Variants in FOXP1 observed in about 807,000 individuals in gnomAD.
The protein encoded by FOXP1 is forkhead box P1.
In FOXP1, 15 loss-of-function variants were observed where a neutral mutation model predicts 98.2. The observed-to-expected ratio is 0.15, with a 90% CI of 0.10 to 0.24. The LOEUF is 0.24. Among genes scored for constraint, FOXP1 ranks in the 10% least tolerant of loss-of-function variants. FOXP1 has a pLI of 1.00. For synonymous variants in FOXP1, 371 were observed against 314.5 expected, an observed-to-expected ratio of 1.18 and a Z score of -1.90; for missense variants, 633 against 848.5, an observed-to-expected ratio of 0.75 and a Z score of 3.15.
At chr3:71,391,749 T>C (rs571109488) in intron 3 of FOXP1, among the ~76,000 whole-genome samples, 1 of 152,334 alleles carries the variant, frequency 6.6e-6, no homozygotes, top group East Asian at 1.9e-4. Context: ...TTTTGGAGAA[T>C]TCTCTAGAGC....
At chr3:71,236,737 G>A (rs1350784984) in intron 5 of FOXP1, among the ~76,000 whole-genome samples, 1 of 152,006 alleles carries the variant, frequency 6.6e-6, no homozygotes, top group Non-Finnish European at 1.5e-5. Flanking sequence ...AGCTGGGTGT[G>A]ATGGTGGTTT....
chr3:71,337,845 G>C (rs562640255), intron 4 of FOXP1, among the ~76,000 whole-genome samples: 47 of 152,338 alleles, frequency 3.1e-4, no homozygotes, highest in Admixed American at 2.7e-3. Context: ...ATTGGGAACA[G>C]AGAAGGCTAT....
chr3:71,496,321 G>A (rs1223030590), intron 2 of FOXP1, among the ~76,000 whole-genome samples: 1 of 152,112 alleles, frequency 6.6e-6, no homozygotes, highest in Non-Finnish European at 1.5e-5. Context: ...TTATCTTGAG[G>A]TTTTGGGAGG....
At chr3:71,502,980 G>GAAA (rs3037713) in intron 2 of FOXP1, among the ~76,000 whole-genome samples, 64 of 141,508 alleles carry the variant, frequency 4.5e-4, no homozygotes, top group African/African-American at 1.5e-3. Context: ...TTTACAATTA[G>GAAA]AAAAAAAAAA....
At chr3:71,509,871 ACT>A (rs2042076401) in intron 2 of FOXP1, among the ~76,000 whole-genome samples, 2 of 152,090 alleles carry the variant, frequency 1.3e-5, no homozygotes, top group Non-Finnish European at 2.9e-5. Context: ...AGAGAGCAAG[ACT>A]CTGTCTCTAA....
intron 5 of FOXP1, among the ~76,000 whole-genome samples, chr3:71,274,344 A>T (rs1459373416): frequency 6.6e-6 from 1 of 152,196 alleles, no homozygotes; most frequent in Non-Finnish European, 1.5e-5. Context: ...CCTTAGAAGC[A>T]CATGACCCAA....
intron 2 of FOXP1, among the ~76,000 whole-genome samples, chr3:71,509,941 G>A (rs2042081536): frequency 6.6e-6 from 1 of 152,184 alleles, no homozygotes; most frequent in African/African-American, 2.4e-5. Flanking sequence ...CACTTTGGGA[G>A]GCCAAGGCGA....
chr3:71,487,300 TCCTCCCA>T (rs1186953744), intron 3 of FOXP1, among the ~76,000 whole-genome samples: 1 of 151,980 alleles, frequency 6.6e-6, no homozygotes, highest in Non-Finnish European at 1.5e-5. Context: ...CCTCAAGCAA[TCCTCCCA>T]CCTTGGCTTC....
intron 3 of FOXP1, among the ~76,000 whole-genome samples, chr3:71,482,980 T>C (rs1189663797): frequency 6.6e-6 from 1 of 151,734 alleles, no homozygotes; most frequent in Non-Finnish European, 1.5e-5. Context: ...GGACTACAGG[T>C]GCAAGCTACC....
chr3:71,087,505 C>A (rs2055265757), intron 7 of FOXP1, among the ~76,000 whole-genome samples: 1 of 152,194 alleles, frequency 6.6e-6, no homozygotes, highest in Admixed American at 6.5e-5. Flanking sequence ...CACAAAATGA[C>A]AACAAAAGTC....
intron 7 of FOXP1, among the ~76,000 whole-genome samples, chr3:71,103,694 G>C (rs566225921): frequency 7.2e-5 from 11 of 152,222 alleles, no homozygotes; most frequent in African/African-American, 2.2e-4. Flanking sequence ...ATAGCAAGGT[G>C]GGGGGAGGGA....
At chr3:71,041,090 C>T (rs1377535822) in intron 11 of FOXP1, among the ~76,000 whole-genome samples, 3 of 152,326 alleles carry the variant, frequency 2.0e-5, no homozygotes, top group Middle Eastern at 3.4e-3. Context: ...AACTACACGA[C>T]TTCTGCCCGG....
In FOXP1 at chr3:71,000,801, A is replaced by T. The variant is rs538201493; in HGVS notation, c.1062+171T>A. On this transcript the variant is annotated intron_variant, in intron 13 of 20. Coordinates refer to ENST00000649528, the MANE Select transcript of FOXP1 (RefSeq NM_001349338.3). ...AACCTGCCCAAAGAGGTAAAAAATA[A>T]AATAAAATAAAATAAAATAAAATAA... Among the ~76,000 whole-genome samples the T allele has an allele frequency of 2.6e-4, 38 of 147,964 alleles. No individual in the cohort carries two copies. The South Asian group carries it at 4.3e-3, about 17-fold the overall frequency.
At chr3:71,465,056 C>T (rs1263705403) in intron 3 of FOXP1, among the ~76,000 whole-genome samples, 1 of 152,014 alleles carries the variant, frequency 6.6e-6, no homozygotes, top group Non-Finnish European at 1.5e-5. Flanking sequence ...GCCTGTAATC[C>T]CAGCACTTTG....
chr3:71,469,743 T>C lies in FOXP1; in HGVS notation c.-168+23683A>G, dbSNP rs2106658762. Among the ~76,000 whole-genome samples the C allele has an allele frequency of 1.3e-5, 2 of 152,228 alleles. 1 individual carries two copies. The highest frequency in any genetic ancestry group is 4.1e-4 in the South Asian group (2 of 4,822). ...TGGAAAGCCAGGGAGCTAAAAACCG[T>C]AAAAGCTGCAGACCACCCTCAACTG... On this transcript the variant is annotated intron_variant, in intron 3 of 20. Transcript: ENST00000649528.
chr3:71,064,648 A>G (rs1428661171), intron 7 of FOXP1, among the ~76,000 whole-genome samples: 2 of 147,340 alleles, frequency 1.4e-5, no homozygotes, highest in Admixed American at 6.6e-5. Flanking sequence ...CTCCACTTCC[A>G]GAGCGCAACT....
rs571776862 is a variant in FOXP1, at chr3:71,109,968, C to A, written c.282+2568G>T. Among the ~76,000 whole-genome samples the A allele has an allele frequency of 9.9e-5, 15 of 152,270 alleles. No homozygotes were observed. The South Asian group carries it at 3.1e-3, about 32-fold the overall frequency. ...TGGGGGGTAGGGGAAAAACTCAAGA[C>A]ATCTTCTTTACCAAAACCAGCGTTC... On this transcript the variant is annotated intron_variant, in intron 7 of 20. Transcript: ENST00000649528.
At chr3:71,389,537 T>G (rs2080879662) in intron 3 of FOXP1, among the ~76,000 whole-genome samples, 1 of 152,124 alleles carries the variant, frequency 6.6e-6, no homozygotes, top group Non-Finnish European at 1.5e-5. Flanking sequence ...CTGAAGTGGT[T>G]CAAATGAACA....
At chr3:71,136,345 G>A (rs1169557098) in intron 6 of FOXP1, among the ~76,000 whole-genome samples, 6 of 152,140 alleles carry the variant, frequency 3.9e-5, no homozygotes, top group South Asian at 2.1e-4. Context: ...ACTCATAAAC[G>A]TCAACAGAGA....
Sources: gnomAD v4.1 joint callset for allele counts (sites outside exome capture counted in the v4.1 genomes callset) on GRCh38, gnomAD v4.1.1 for gene constraint, MANE v1.5 for transcripts, NCBI Gene and HGNC (gene_info 2026-07-23, HGNC 2026-07-21) for gene names.